Variants in CENPE observed in about 807,000 individuals in gnomAD.
CENPE encodes the protein centromere protein E, also known as centromere-associated protein E.
CENPE carries 145 observed loss-of-function variants against 336.1 expected under a neutral mutation model. That is an observed-to-expected ratio of 0.43 (90% CI 0.38 to 0.50). CENPE has a LOEUF of 0.50. Among genes scored for constraint, CENPE ranks in the 20% least tolerant of loss-of-function variants. The pLI, the probability that CENPE is intolerant of heterozygous loss-of-function variation, is 0.00. For synonymous variants in CENPE, 1,013 were observed against 984.8 expected, an observed-to-expected ratio of 1.03 and a Z score of -0.54; for missense variants, 2,719 against 3,023.3, an observed-to-expected ratio of 0.90 and a Z score of 2.36.
At position 103,136,266 on chromosome 4, in the gene CENPE, C is replaced by G. The variant is rs1433460375; in HGVS notation, c.6397G>C (p.Glu2133Gln). ...TTTGCTTTAACTCTCATTGAAAGCT[C>G]TTTTTGGAATTCAATTTCCTTCTCC... ...DLEKEIEFQK[E>Q]LSMRVKANLS... is the part of the protein sequence containing the mutation. Residue 2133 changes from glutamate (E) to glutamine (Q), a missense_variant, in exon 40 of 49, where the codon GAG becomes CAG. By Grantham distance (29) the Glu-to-Gln change is conservative. Transcript: ENST00000265148. 2 of 1,613,436 alleles carry G rather than the reference C, an allele frequency of 1.2e-6. No homozygotes were observed. Among genetic ancestry groups the G allele is most frequent in the Admixed American group, 1.7e-5 (1 of 59,996 alleles).
At chr4:103,130,229 CTCTT>C (rs1200142371) in intron 42 of CENPE, among the ~76,000 whole-genome samples, 22 of 152,158 alleles carry the variant, frequency 1.4e-4, no homozygotes, top group African/African-American at 4.8e-4. Context: ...AAACAAAACT[CTCTT>C]TGTTTACACA....
At chr4:103,183,317 A>C (rs757940204) in intron 9 of CENPE, 29 bp from the exon 10 acceptor site, 1 of 1,543,172 alleles carries the variant, frequency 6.5e-7, no homozygotes, top group Non-Finnish European at 8.9e-7. Context: ...TATGAAAACT[A>C]AACTTGACTC....
intron 29 of CENPE, among the ~76,000 whole-genome samples, chr4:103,146,567 C>A (rs1393611858): frequency 1.3e-5 from 2 of 152,038 alleles, no homozygotes; most frequent in African/African-American, 4.8e-5. Context: ...GTAGAGAGAC[C>A]TGAGAATCTG....
At chr4:103,169,221 G>T (rs1333243100) in intron 16 of CENPE, among the ~76,000 whole-genome samples, 3 of 151,356 alleles carry the variant, frequency 2.0e-5, no homozygotes, top group Non-Finnish European at 2.9e-5. Context: ...CTTGAGACAG[G>T]CTATTTTAAA....
Position 103,163,472 on chromosome 4 carries a change from T to G in CENPE, c.1722+7A>C, listed in dbSNP as rs1472634354. The G allele has an allele frequency of 6.3e-7, 1 of 1,578,246 alleles. No individual in the cohort carries two copies. The highest frequency in any genetic ancestry group is 8.7e-7 in the Non-Finnish European group (1 of 1,153,692). Reference sequence around the variant, plus strand: ...TTATCAATAGAAATACCAACATGAATGCTCACCTCAAGATCTTGATTATAT... The same window carrying G: ...TTATCAATAGAAATACCAACATGAAGGCTCACCTCAAGATCTTGATTATAT... On this transcript the variant is annotated splice_region_variant and intron_variant, in intron 17 of 48. Coordinates refer to ENST00000265148, the MANE Select transcript of CENPE (RefSeq NM_001813.3).
chr4:103,196,679 T>C (rs150722342), intron 2 of CENPE, 80 bp downstream of exon 2: 10 of 703,754 alleles, frequency 1.4e-5, no homozygotes, highest in Non-Finnish European at 2.2e-5. Context: ...TAGTGACAAA[T>C]CTAATATTAT....
intron 43 of CENPE, 151 bp downstream of exon 43, chr4:103,122,720 G>A (rs970630173): frequency 1.2e-5 from 7 of 602,826 alleles, no homozygotes; most frequent in East Asian, 5.6e-5. Flanking sequence ...TTAGTTGAAC[G>A]ATAGCCATAG....
At chr4:103,195,842 A>G in intron 4 of CENPE, 78 bp downstream of exon 4, 1 of 858,518 alleles carries the variant, frequency 1.2e-6, no homozygotes, top group Non-Finnish European at 2.0e-6. Flanking sequence ...CATCTTTACA[A>G]GAGAAATACA....
At chr4:103,170,758 A>G (rs1046851215) in intron 16 of CENPE, among the ~76,000 whole-genome samples, 2 of 152,220 alleles carry the variant, frequency 1.3e-5, no homozygotes, top group Non-Finnish European at 2.9e-5. Context: ...GGTTGAATGG[A>G]TTAAAAAATC....
chr4:103,145,390 C>G (rs1039959716), intron 31 of CENPE, 56 bp from the exon 32 acceptor site: 2 of 1,330,518 alleles, frequency 1.5e-6, no homozygotes, highest in Non-Finnish European at 2.1e-6. Flanking sequence ...AACACACACA[C>G]ACACATACAC....
intron 13 of CENPE, among the ~76,000 whole-genome samples, chr4:103,178,833 T>C (rs751340830): frequency 1.1e-4 from 16 of 152,196 alleles, no homozygotes; most frequent in Admixed American, 3.3e-4. Context: ...CCTTACCCAA[T>C]TGGAGTTTTG....
chr4:103,133,425 A>G (rs1242897118), intron 41 of CENPE, among the ~76,000 whole-genome samples: 3 of 152,178 alleles, frequency 2.0e-5, no homozygotes, highest in Non-Finnish European at 4.4e-5. Context: ...CCAGCCTCAC[A>G]TAGATGAATG....
chr4:103,129,164 C>T (rs1751375220), intron 42 of CENPE, among the ~76,000 whole-genome samples: 1 of 152,038 alleles, frequency 6.6e-6, no homozygotes, highest in African/African-American at 2.4e-5. Flanking sequence ...TCTACCAATA[C>T]ACAAGAAAGG....
chr4:103,198,206 C>A (rs1227023209), intron 1 of CENPE, 58 bp downstream of exon 1: 8 of 1,512,916 alleles, frequency 5.3e-6, no homozygotes, highest in Non-Finnish European at 3.6e-6. Context: ...CTCGCCCCTC[C>A]GGCTCAGGGC....
chr4:103,135,854 T>C (rs1272327064), intron 40 of CENPE, among the ~76,000 whole-genome samples: 3 of 152,206 alleles, frequency 2.0e-5, no homozygotes, highest in East Asian at 3.8e-4. Context: ...TACACTTCTA[T>C]CATTGCACTT....
In CENPE at chr4:103,139,844, G is replaced by A; in HGVS notation, c.6149C>T (p.Ser2050Phe). ...GAATTGGTCCCTTTCCATTTTGAGAGATTCTTTTATCCTCCTTAGCTCATC... is the reference window on the plus strand; with the variant it reads ...GAATTGGTCCCTTTCCATTTTGAGAAATTCTTTTATCCTCCTTAGCTCATC... ...ERDELRRIKE[S>F]LKMERDQFIA... Residue 2050 changes from serine to phenylalanine, a missense_variant, in exon 38 of 49, where the codon TCT becomes TTT. Coordinates refer to ENST00000265148, the MANE Select transcript of CENPE (RefSeq NM_001813.3). The A allele has an allele frequency of 6.2e-7, 1 of 1,612,462 alleles. No homozygotes were observed. The highest frequency in any genetic ancestry group is 1.1e-5 in the South Asian group (1 of 90,810).
chr4:103,160,895 T>A (rs998627515), intron 20 of CENPE, 116 bp from the exon 21 acceptor site: 1 of 1,026,876 alleles, frequency 9.7e-7, no homozygotes. Context: ...TGAAAAATAA[T>A]CCCTTATGAT....
intron 18 of CENPE, among the ~76,000 whole-genome samples, chr4:103,162,315 A>G (rs1754516370): frequency 6.6e-6 from 1 of 151,682 alleles, no homozygotes; most frequent in Admixed American, 6.6e-5. Context: ...AACTGTTATC[A>G]TAAAAAAAAA....
At chr4:103,106,724 T>G (rs2125822352) in intron 48 of CENPE, among the ~76,000 whole-genome samples, 1 of 152,312 alleles carries the variant, frequency 6.6e-6, no homozygotes, top group East Asian at 1.9e-4. Flanking sequence ...AAAAGGACTT[T>G]AGCTGCATCT....
Sources: allele counts gnomAD v4.1 joint callset (sites outside exome capture counted in the v4.1 genomes callset), GRCh38; gene constraint gnomAD v4.1.1; transcripts MANE v1.5; gene names NCBI Gene and HGNC (gene_info 2026-07-23, HGNC 2026-07-21).